The following FNDC3B variants were observed in gnomAD, a reference collection of about 807,000 sequenced individuals.
The protein encoded by FNDC3B is fibronectin type III domain containing 3B, also known as fibronectin type III domain-containing protein 3B.
Under a neutral mutation model 151.5 loss-of-function variants are expected in FNDC3B, and 12 were observed. The ratio of observed to expected loss-of-function variants is 0.08; its 90% confidence interval spans 0.05 to 0.13. The LOEUF is 0.13. FNDC3B is among the 10% of genes least tolerant of loss of function. FNDC3B has a pLI of 1.00. For missense variants in FNDC3B, 1,214 were observed against 1,505.3 expected, an observed-to-expected ratio of 0.81 and a Z score of 3.20; for synonymous variants, 528 against 549.0, an observed-to-expected ratio of 0.96 and a Z score of 0.54.
chr3:172,262,401 T>A (rs1291682324), intron 6 of FNDC3B, among the ~76,000 whole-genome samples: 1 of 152,222 alleles, frequency 6.6e-6, no homozygotes, highest in East Asian at 1.9e-4. Context: ...GTCTACCTCT[T>A]GTGCTGGATT....
At chr3:172,245,943 A>G (rs1727752086) in intron 4 of FNDC3B, among the ~76,000 whole-genome samples, 1 of 152,206 alleles carries the variant, frequency 6.6e-6, no homozygotes, top group South Asian at 2.1e-4. Flanking sequence ...TTTTAACATA[A>G]GGATTAATGG....
chr3:172,385,203 T>G (rs1735644501), intron 25 of FNDC3B, among the ~76,000 whole-genome samples: 1 of 152,120 alleles, frequency 6.6e-6, no homozygotes, highest in South Asian at 2.1e-4. Flanking sequence ...GTTAAAATAA[T>G]TATAGTTCAA....
In FNDC3B at chr3:172,375,746, G is replaced by A. The variant is rs1043151071; in HGVS notation, c.3009-2524G>A. Among the ~76,000 whole-genome samples the A allele has an allele frequency of 3.3e-5, 5 of 152,064 alleles. No individual in the cohort carries two copies. In the South Asian group the frequency reaches 8.3e-4, roughly 25 times the overall value. Reference sequence around the variant, plus strand: ...GGCTACATTAGAGGACTGCTTAGACGCATGCTTATTCTAGAAAAGGCTGAA... The same window carrying A: ...GGCTACATTAGAGGACTGCTTAGACACATGCTTATTCTAGAAAAGGCTGAA... On this transcript the variant is annotated intron_variant, in intron 23 of 25. Coordinates refer to ENST00000415807, the MANE Select transcript of FNDC3B (RefSeq NM_022763.4).
chr3:172,099,426 A>G (rs1339541450), intron 1 of FNDC3B, among the ~76,000 whole-genome samples: 1 of 152,140 alleles, frequency 6.6e-6, no homozygotes, highest in East Asian at 1.9e-4. Context: ...CAGAGCAGAT[A>G]TGATTCTTCC....
At position 172,341,989 on chromosome 3, in the gene FNDC3B, A is replaced by G. The variant is rs560620197; in HGVS notation, c.1971+758A>G. 1.5e-3 allele frequency among the ~76,000 whole-genome samples: 236 copies of G among 152,380 alleles called. 3 individuals carry two copies. Among genetic ancestry groups the G allele is most frequent in the African/African-American group, 5.3e-3 (222 of 41,594 alleles). ...AGATGCCAAAAGATACTTTCACTGTAGAGATATTTAACATTATGATTTGAA... is the reference window on the plus strand; with the variant it reads ...AGATGCCAAAAGATACTTTCACTGTGGAGATATTTAACATTATGATTTGAA... On this transcript the variant is annotated intron_variant, in intron 17 of 25. Transcript: ENST00000415807.
At chr3:172,108,789 G>A (rs1214718170) in intron 1 of FNDC3B, among the ~76,000 whole-genome samples, 1 of 152,238 alleles carries the variant, frequency 6.6e-6, no homozygotes, top group African/African-American at 2.4e-5. Flanking sequence ...AGATACTACT[G>A]TGAACGCTAA....
At chr3:172,274,527 TG>T (rs36008983) in intron 6 of FNDC3B, among the ~76,000 whole-genome samples, 84,455 of 151,966 alleles carry the variant, frequency 0.56, 26,503 homozygotes, top group Non-Finnish European at 0.71. Context: ...ATAAAATCTC[TG>T]ATTTGCTGAA....
chr3:172,098,968 T>A (rs927603823), intron 1 of FNDC3B, among the ~76,000 whole-genome samples: 3 of 152,208 alleles, frequency 2.0e-5, no homozygotes, highest in Non-Finnish European at 4.4e-5. Context: ...CAGCACACAA[T>A]GCTGCCTCTC....
At chr3:172,339,939 C>T (rs999058271) in intron 16 of FNDC3B, among the ~76,000 whole-genome samples, 2 of 152,128 alleles carry the variant, frequency 1.3e-5, no homozygotes, top group East Asian at 1.9e-4. Flanking sequence ...ACTAATAAGC[C>T]GCTGGGGGAA....
At chr3:172,181,409 A>AAAC (rs1560005172) in intron 3 of FNDC3B, among the ~76,000 whole-genome samples, 1 of 145,026 alleles carries the variant, frequency 6.9e-6, no homozygotes, top group Non-Finnish European at 1.5e-5. Context: ...AAAAAAAAAA[A>AAAC]AAAAACAAAA....
intron 9 of FNDC3B, 190 bp from the exon 10 acceptor site, chr3:172,307,173 G>A (rs950159699): frequency 9.9e-5 from 58 of 585,884 alleles, no homozygotes; most frequent in African/African-American, 7.6e-4. Flanking sequence ...ACAAATACCT[G>A]TTGGGATGAC....
intron 13 of FNDC3B, among the ~76,000 whole-genome samples, chr3:172,332,779 C>CAAAG (rs1732746760): frequency 6.6e-6 from 1 of 152,108 alleles, no homozygotes. Flanking sequence ...GACCTCGGTG[C>CAAAG]AAAGGGCTTT....
At chr3:172,196,815 A>G (rs567328376) in intron 3 of FNDC3B, among the ~76,000 whole-genome samples, 9 of 152,286 alleles carry the variant, frequency 5.9e-5, no homozygotes, top group African/African-American at 2.2e-4. Context: ...CTCTCAGAGT[A>G]AGTGAGTTAA....
intron 2 of FNDC3B, among the ~76,000 whole-genome samples, chr3:172,121,593 T>C (rs1720549305): frequency 1.3e-5 from 2 of 152,230 alleles, no homozygotes; most frequent in Admixed American, 6.5e-5. Context: ...AGCGCAGAGA[T>C]GCAAATACTT....
chr3:172,369,579 G>A (rs1576952999), intron 23 of FNDC3B, among the ~76,000 whole-genome samples: 1 of 151,948 alleles, frequency 6.6e-6, no homozygotes, highest in East Asian at 1.9e-4. Context: ...ACCCATTAAT[G>A]AAACAGTATT....
intron 1 of FNDC3B, among the ~76,000 whole-genome samples, chr3:172,087,903 A>C (rs960907269): frequency 6.6e-6 from 1 of 152,248 alleles, no homozygotes; most frequent in African/African-American, 2.4e-5. Flanking sequence ...ATCTCTAAAT[A>C]GTTAGAAATA....
chr3:172,369,766 C>T (rs960110218), intron 23 of FNDC3B, among the ~76,000 whole-genome samples: 1 of 152,140 alleles, frequency 6.6e-6, no homozygotes, highest in Admixed American at 6.5e-5. Context: ...CAGGTGTCCC[C>T]ACATGATGCC....
intron 2 of FNDC3B, among the ~76,000 whole-genome samples, chr3:172,116,871 A>G (rs901003482): frequency 2.6e-5 from 4 of 152,146 alleles, no homozygotes; most frequent in African/African-American, 9.7e-5. Context: ...CGGTTCACTC[A>G]ACACATTTCT....
intron 6 of FNDC3B, among the ~76,000 whole-genome samples, chr3:172,271,528 A>T (rs1288359871): frequency 1.3e-5 from 2 of 152,206 alleles, no homozygotes; most frequent in African/African-American, 4.8e-5. Context: ...TCTTATTCTG[A>T]TGAAAAAGAA....
Sources: allele counts gnomAD v4.1 joint callset (sites outside exome capture counted in the v4.1 genomes callset), GRCh38; gene constraint gnomAD v4.1.1; transcripts MANE v1.5; gene names NCBI Gene and HGNC (gene_info 2026-07-23, HGNC 2026-07-21).